SLC25A12: variants seen among roughly 807,000 people sequenced by gnomAD.
SLC25A12 encodes the protein electrogenic aspartate/glutamate antiporter SLC25A12, mitochondrial.
SLC25A12 carries 32 observed loss-of-function variants against 83.3 expected under a neutral mutation model. The ratio of observed to expected loss-of-function variants is 0.38; its 90% CI spans 0.29 to 0.52. The LOEUF is 0.52. Among genes scored for constraint, SLC25A12 ranks in the 20% least tolerant of loss-of-function variants. The pLI, the probability that SLC25A12 is intolerant of heterozygous loss-of-function variation, is 0.84. For synonymous variants in SLC25A12, 267 were observed against 291.1 expected, an observed-to-expected ratio of 0.92 and a Z score of 0.84; for missense variants, 611 against 835.6, an observed-to-expected ratio of 0.73 and a Z score of 3.31.
intron 3 of SLC25A12, among the ~76,000 whole-genome samples, chr2:171,859,708 T>C (rs149762689): frequency 3.3e-4 from 51 of 152,268 alleles, no homozygotes; most frequent in African/African-American, 1.1e-3. Context: ...AGTCATTATG[T>C]AATTGGTATG....
chr2:171,860,274 C>T (rs1009609284), intron 3 of SLC25A12, among the ~76,000 whole-genome samples: 24 of 151,992 alleles, frequency 1.6e-4, no homozygotes, highest in African/African-American at 5.1e-4. Context: ...TGTGCGAGTC[C>T]TACATTTAAA....
chr2:171,803,827 ACACACG>A (rs372198604), intron 13 of SLC25A12, among the ~76,000 whole-genome samples: 3,178 of 150,248 alleles, frequency 0.021, 115 homozygotes, highest in African/African-American at 0.074. Context: ...ACACACACAC[ACACACG>A]CGCGCACACA....
At chr2:171,854,959 T>C (rs1395958137) in intron 4 of SLC25A12, among the ~76,000 whole-genome samples, 1 of 152,220 alleles carries the variant, frequency 6.6e-6, no homozygotes, top group African/African-American at 2.4e-5. Flanking sequence ...TTTCTGGAGA[T>C]GTCTTTCACA....
chr2:171,849,862 C>T (rs183406282), intron 4 of SLC25A12, among the ~76,000 whole-genome samples: 177 of 151,634 alleles, frequency 1.2e-3, no homozygotes, highest in African/African-American at 4.1e-3. Flanking sequence ...GGCCCAGTGG[C>T]GTGATCTTGG....
At chr2:171,887,038 A>G (rs1685836815) in intron 2 of SLC25A12, among the ~76,000 whole-genome samples, 1 of 152,230 alleles carries the variant, frequency 6.6e-6, no homozygotes, top group Non-Finnish European at 1.5e-5. Context: ...CACAGCCCTA[A>G]TGTATATTTC....
intron 4 of SLC25A12, among the ~76,000 whole-genome samples, chr2:171,855,095 T>A (rs905836533): frequency 3.9e-5 from 6 of 152,346 alleles, no homozygotes; most frequent in Admixed American, 2.0e-4. Flanking sequence ...GGGGCAGTGC[T>A]CAAGGTCCTT....
At chr2:171,863,471 A>C (rs1349972913) in intron 3 of SLC25A12, among the ~76,000 whole-genome samples, 1 of 151,594 alleles carries the variant, frequency 6.6e-6, no homozygotes, top group African/African-American at 2.4e-5. Flanking sequence ...GGTTGCAGTG[A>C]GCTGAGATCA....
intron 8 of SLC25A12, among the ~76,000 whole-genome samples, chr2:171,829,362 C>G (rs1684382345): frequency 6.6e-6 from 1 of 152,076 alleles, no homozygotes; most frequent in Non-Finnish European, 1.5e-5. Context: ...GAACCTGCCC[C>G]CAAAAGGGCA....
chr2:171,793,799 C>A (rs1231896807), intron 13 of SLC25A12, 32 bp from the exon 14 acceptor site: 1 of 1,613,866 alleles, frequency 6.2e-7, no homozygotes, highest in South Asian at 1.1e-5. Context: ...CAGGCAGATT[C>A]CACATCAGAG....
At chr2:171,812,799 CTTTTTTTTT>C (rs5836353) in intron 11 of SLC25A12, among the ~76,000 whole-genome samples, 2 of 143,150 alleles carry the variant, frequency 1.4e-5, no homozygotes, top group African/African-American at 2.6e-5. Context: ...AAGGGTTTTC[CTTTTTTTTT>C]TTTTTTTTAA....
chr2:171,831,975 G>C (rs1274130228), intron 8 of SLC25A12, among the ~76,000 whole-genome samples: 1 of 152,044 alleles, frequency 6.6e-6, no homozygotes, highest in East Asian at 1.9e-4. Context: ...TTGTGTGTGT[G>C]ATGTTATATA....
At position 171,893,258 on chromosome 2, in the gene SLC25A12, C is replaced by A; in HGVS notation, c.13G>T (p.Val5Leu). The change falls in exon 2 of 18, where the codon GTG (valine) becomes TTG (leucine). Residue 5 changes from valine (V) to leucine (L), a missense_variant and splice_region_variant. Around this residue, in one of 3 missense-constraint regions of SLC25A12, gnomAD observed 34 missense variants for 23.0 expected, o/e 1.48. Transcript: ENST00000422440. ...GGATCCCCTCGCTTAGTTGTCTGCA[C>A]CTGTAAGCAAAAAAGAAAAAAAAGC... MAVK[V>L]QTTKRGDPHE... 6.2e-7 allele frequency: 1 copy of A among 1,613,870 alleles called. No homozygotes were observed. The highest frequency in any genetic ancestry group is 8.5e-7 in the Non-Finnish European group (1 of 1,179,904).
intron 2 of SLC25A12, among the ~76,000 whole-genome samples, chr2:171,887,636 A>T (rs1173429960): frequency 6.6e-6 from 1 of 152,210 alleles, no homozygotes; most frequent in Non-Finnish European, 1.5e-5. Flanking sequence ...TCCTTTTGCT[A>T]CTGTACACTG....
chr2:171,854,149 G>A (rs1330322376), intron 4 of SLC25A12, among the ~76,000 whole-genome samples: 1 of 152,202 alleles, frequency 6.6e-6, no homozygotes, highest in Non-Finnish European at 1.5e-5. Context: ...ATGATGGAGG[G>A]TTTGTGCCTT....
chr2:171,888,365 C>T (rs1027366656), intron 2 of SLC25A12, among the ~76,000 whole-genome samples: 2 of 151,700 alleles, frequency 1.3e-5, no homozygotes, highest in African/African-American at 2.4e-5. Flanking sequence ...TCGCAAAGCA[C>T]TGGGATTACA....
chr2:171,821,358 A>AT (rs1684188725), intron 9 of SLC25A12, among the ~76,000 whole-genome samples: 1 of 152,046 alleles, frequency 6.6e-6, no homozygotes, highest in Non-Finnish European at 1.5e-5. Context: ...ATGTGTAAAC[A>AT]TTTTTGTTAG....
chr2:171,849,432 T>G, intron 4 of SLC25A12, among the ~76,000 whole-genome samples: 1 of 152,116 alleles, frequency 6.6e-6, no homozygotes, highest in East Asian at 1.9e-4. Context: ...CTTCCTGATT[T>G]AATTTGAATA....
chr2:171,800,470 A>G (rs919264362), intron 13 of SLC25A12, among the ~76,000 whole-genome samples: 1 of 152,182 alleles, frequency 6.6e-6, no homozygotes, highest in African/African-American at 2.4e-5. Flanking sequence ...TATCAAAAAC[A>G]CTACAGATAT....
chr2:171,823,245 TA>T (rs1684230686), intron 9 of SLC25A12, among the ~76,000 whole-genome samples: 1 of 152,226 alleles, frequency 6.6e-6, no homozygotes, highest in African/African-American at 2.4e-5. Context: ...CTGTATTCCT[TA>T]TAAAATTTTA....
Sources: allele counts gnomAD v4.1 joint callset (sites outside exome capture counted in the v4.1 genomes callset), GRCh38; gene constraint gnomAD v4.1.1; regional missense constraint gnomAD v4.1.1; transcripts MANE v1.5; gene names NCBI Gene and HGNC (gene_info 2026-07-23, HGNC 2026-07-21).